Variants in SLC38A5 observed in about 807,000 individuals in gnomAD.
The protein encoded by SLC38A5 is sodium-coupled neutral amino acid transporter 5.
A neutral mutation model predicts 34.6 loss-of-function variants in SLC38A5; 9 were observed. That is an observed-to-expected ratio of 0.26 (90% CI 0.16 to 0.45). SLC38A5 has a LOEUF of 0.45. Among genes scored for constraint, SLC38A5 ranks in the 20% least tolerant of loss-of-function variants. The pLI, the probability that SLC38A5 is intolerant of heterozygous loss-of-function variation, is 1.00. For missense variants in SLC38A5, 253 were observed against 394.7 expected (o/e 0.64, Z 3.04); for synonymous variants, 157 against 155.6 (o/e 1.01, Z -0.07).
chrX:48,466,335 G>A lies in SLC38A5; in HGVS notation c.320-13C>T. 2 of 1,184,331 alleles carry A rather than the reference G, an allele frequency of 1.7e-6. No homozygotes were observed. Among genetic ancestry groups the A allele is most frequent in the Non-Finnish European group, 1.1e-6 (1 of 880,804 alleles). The stretch of plus-strand genomic sequence containing the variant: ...TAGGCTCGGATGCCTAGCGGGGGGA[G>A]TCAGGAACAGGGTTGAAGGTCCAGG... On this transcript the variant is annotated splice_polypyrimidine_tract_variant and intron_variant, in intron 6 of 16. Coordinates refer to ENST00000620913, the MANE Select transcript of SLC38A5 (RefSeq NM_033518.4).
chrX:48,462,378 G>A (rs987983323), intron 9 of SLC38A5, 87 bp from the exon 10 acceptor site: 43 of 964,599 alleles, frequency 4.5e-5, no homozygotes, highest in East Asian at 1.7e-4. Context: ...AGGCCTAAGC[G>A]GGTGGATCAC....
At chrX:48,467,145 G>T in intron 4 of SLC38A5, 68 bp from the exon 5 acceptor site, 2 of 961,996 alleles carry the variant, frequency 2.1e-6, no homozygotes, top group Non-Finnish European at 2.9e-6. Context: ...CTAATGCCAG[G>T]GCCAGGGAAA....
chrX:48,464,040 G>C (rs1250085224), intron 8 of SLC38A5, among the ~76,000 whole-genome samples: 1 of 112,138 alleles, frequency 8.9e-6, no homozygotes, highest in Non-Finnish European at 1.9e-5. Flanking sequence ...ACGATGCAGA[G>C]TCCATCAAAA....
Position 48,458,658 on chromosome X carries a change from GCCTCCTCCTCCTCCTCCTCCT to G in SLC38A5, c.*254_*274del, listed in dbSNP as rs782262041. The G allele has an allele frequency of 7.6e-6, 6 of 792,675 alleles. No homozygotes were observed. The South Asian group carries it at 2.0e-4, about 26-fold the overall frequency. The allele number at this position is 792,675 out of a possible 1,213,427, so 65.3% of individuals were successfully genotyped here. A position where few individuals can be genotyped will look rare whatever the true frequency, so the allele number is the denominator to read the frequency against. ...TGGGCAAAGGCTCCACCAGGACCTG[GCCTCCTCCTCCTCCTCCTCCT>G]CCTCCTCCTCCTCCTCTTCTTCCTC... On this transcript the variant is annotated 3_prime_UTR_variant, in exon 17 of 17. Coordinates refer to ENST00000620913, the MANE Select transcript of SLC38A5 (RefSeq NM_033518.4).
rs782413540 is a variant in SLC38A5 at position 48,462,083 on chromosome X, C to T, written c.695G>A (p.Ser232Asn). 1.3e-4 allele frequency: 153 copies of T among 1,171,188 alleles called. No homozygotes were observed. The highest frequency in any genetic ancestry group is 1.7e-4 in the Non-Finnish European group (152 of 873,528). Residue 232 changes from serine (S) to asparagine (N), a missense_variant, in exon 11 of 17, where the codon AGT (serine) becomes AAT (asparagine). Transcript: ENST00000620913. ...GCTGGGGAGTCCCACGAGAGCTTCA[C>T]TCTCCATTGCTGTTTCATTGTGGCC... ...AIGHNETAME[S>N]EALVGLPSQG... is the part of the protein sequence containing the mutation.
chrX:48,465,985 C>A, intron 8 of SLC38A5, 30 bp downstream of exon 8: 1 of 1,134,901 alleles, frequency 8.8e-7, no homozygotes, highest in Non-Finnish European at 1.2e-6. Flanking sequence ...CAAGGGGCTG[C>A]TGGCCAGCCA....
chrX:48,459,584 G>A lies in SLC38A5; in HGVS notation c.1269C>T (p.Arg423=). Residue 423 remains arginine, a synonymous_variant, in exon 16 of 17, where the codon CGC becomes CGT. Coordinates refer to ENST00000620913, the MANE Select transcript of SLC38A5 (RefSeq NM_033518.4). ...IFILPSIFYL[R]IVPSEVEPFL... is the part of the protein sequence containing the mutation. ...AAGGCTCCACCTCAGAGGGTACAATGCGGAGGTAGAAGATGCTGGGGAGGA... is the reference window on the plus strand; with the variant it reads ...AAGGCTCCACCTCAGAGGGTACAATACGGAGGTAGAAGATGCTGGGGAGGA... The A allele has an allele frequency of 1.7e-6, 2 of 1,145,080 alleles. No individual in the cohort carries two copies. Among genetic ancestry groups the A allele is most frequent in the Non-Finnish European group, 2.3e-6 (2 of 864,153 alleles). The allele number at this position is 1,145,080 out of a possible 1,213,427, so 94.4% of individuals were successfully genotyped here.
intron 12 of SLC38A5, 67 bp downstream of exon 12, chrX:48,461,651 G>A (rs1556961915): frequency 1.9e-6 from 2 of 1,039,142 alleles, no homozygotes; most frequent in Non-Finnish European, 2.6e-6. Context: ...TGTAGGGAGT[G>A]TCAGACATTC....
At position 48,466,980 on chromosome X, in the gene SLC38A5, G is replaced by A. The variant is rs200879900; in HGVS notation, c.227C>T (p.Thr76Met). 147 of 1,210,433 alleles carry A rather than the reference G, an allele frequency of 1.2e-4. 1 individual carries two copies. Among genetic ancestry groups the A allele is most frequent in the African/African-American group, 1.7e-5 (1 of 57,502 alleles). The change falls in exon 5 of 17, where the codon ACG (threonine) becomes ATG (methionine). Residue 76 changes from threonine (T) to methionine (M), a missense_variant. By Grantham distance (81) the Thr-to-Met change is moderately conservative (BLOSUM62 -1). Transcript: ENST00000620913. ...ILGLAYAMAH[T>M]GVIFFLALLL... ...GACTCACAGGAAGAAGATGACCCCC[G>A]TGTGGGCCATGGCATAGGCCAGCCC...
chrX:48,465,726 A>G (rs914279930), intron 8 of SLC38A5, among the ~76,000 whole-genome samples: 1 of 111,785 alleles, frequency 8.9e-6, no homozygotes, highest in Admixed American at 9.5e-5. Context: ...TCCATTGGCT[A>G]TGTACATTCA....
intron 12 of SLC38A5, among the ~76,000 whole-genome samples, 178 bp downstream of exon 12, chrX:48,461,540 A>G (rs782337026): frequency 1.8e-5 from 2 of 112,057 alleles, no homozygotes; most frequent in East Asian, 2.8e-4. Flanking sequence ...AGCCCCAATC[A>G]GCAAACAGTC....
At chrX:48,461,887 T>C in intron 11 of SLC38A5, 90 bp from the exon 12 acceptor site, 1 of 983,763 alleles carries the variant, frequency 1.0e-6, no homozygotes, top group Non-Finnish European at 1.4e-6. Flanking sequence ...TCGCCCTCCA[T>C]ATCAGACACA....
rs201520618 is a variant in SLC38A5 at position 48,463,853 on chromosome X, GAGAAAGAAAGAAAGAAAGAAAGAAAGAA to G, written c.492-901_492-874del. On this transcript the variant is annotated intron_variant, in intron 8 of 16. Transcript: ENST00000620913. The stretch of plus-strand genomic sequence containing the variant: ...AAAGAGAAAGGAAGAAAGAAAGAGA[GAGAAAGAAAGAAAGAAAGAAAGAAAGAA>G]AGAAAGAAAGAAAGAAAGAAAGAAA... 6.5e-3 allele frequency among the ~76,000 whole-genome samples: 502 copies of G among 76,985 alleles called. 2 individuals are homozygous for G. Among genetic ancestry groups the G allele is most frequent in the African/African-American group, 0.02 (405 of 20,147 alleles). 66.9% of individuals were successfully genotyped at this position (76,985 alleles called of 115,157 possible).
chrX:48,468,903 G>A (rs974107324), intron 2 of SLC38A5: 25 of 750,285 alleles, frequency 3.3e-5, no homozygotes, highest in Admixed American at 2.7e-4. Flanking sequence ...CTGGGGTGGG[G>A]GTGTCTCTGC....
chrX:48,467,995 A>C, intron 2 of SLC38A5, 70 bp from the exon 3 acceptor site: 3 of 978,210 alleles, frequency 3.1e-6, no homozygotes, highest in Non-Finnish European at 4.3e-6. Flanking sequence ...GGGGAGCTGA[A>C]GAAGGGGGGA....
At chrX:48,463,860 A>G (rs782546485) in intron 8 of SLC38A5, among the ~76,000 whole-genome samples, 15 of 63,484 alleles carry the variant, frequency 2.4e-4, no homozygotes, top group African/African-American at 1.0e-3. Context: ...AGAGAGAAAG[A>G]AAGAAAGAAA....
At chrX:48,461,682 G>A in intron 12 of SLC38A5, 36 bp downstream of exon 12, 3 of 1,158,596 alleles carry the variant, frequency 2.6e-6, no homozygotes, top group Non-Finnish European at 3.5e-6. Flanking sequence ...CCCACTTGCT[G>A]GCCCATCATT....
Position 48,458,904 on chromosome X carries a change from G to T in SLC38A5, c.*29C>A, listed in dbSNP as rs376599057. On this transcript the variant is annotated 3_prime_UTR_variant, in exon 17 of 17. Coordinates refer to ENST00000620913, the MANE Select transcript of SLC38A5 (RefSeq NM_033518.4). ...GGCCCTGACCCCTCCATGTGCATGC[G>T]CACAGGGACCTGGGCCAGCAGGGCC... The T allele has an allele frequency of 8.6e-7, 1 of 1,166,174 alleles. No homozygotes were observed. Among genetic ancestry groups the T allele is most frequent in the South Asian group, 1.9e-5 (1 of 52,099 alleles).
intron 12 of SLC38A5, 150 bp downstream of exon 12, chrX:48,461,568 A>C (rs1353944858): frequency 3.8e-6 from 2 of 529,184 alleles, no homozygotes; most frequent in African/African-American, 4.7e-5. Context: ...TGAGTGCCCC[A>C]AGACCTCCTG....
Sources: gnomAD v4.1 joint callset for allele counts (sites outside exome capture counted in the v4.1 genomes callset) on GRCh38, gnomAD v4.1.1 for gene constraint, MANE v1.5 for transcripts, NCBI Gene and HGNC (gene_info 2026-07-23, HGNC 2026-07-21) for gene names.